The following BAALC variants were observed in gnomAD, a reference collection of about 807,000 sequenced individuals.
BAALC encodes the protein brain and acute leukemia cytoplasmic protein.
In BAALC, 9 loss-of-function variants were observed where a neutral mutation model predicts 15.5. The observed-to-expected ratio is 0.58, with a 90% CI of 0.35 to 1.02. The LOEUF (loss-of-function observed/expected upper bound fraction) is 1.02. Ranked by LOEUF, BAALC falls within the 50% of genes least tolerant of loss-of-function variation. BAALC has a pLI of 0.02. For synonymous variants in BAALC, 80 were observed against 74.6 expected, an observed-to-expected ratio of 1.07 and a Z score of -0.37; for missense variants, 201 against 192.4, an observed-to-expected ratio of 1.04 and a Z score of -0.27.
chr8:103,197,100 A>G (rs748202152), intron 1 of BAALC, among the ~76,000 whole-genome samples: 4 of 152,210 alleles, frequency 2.6e-5, no homozygotes, highest in Non-Finnish European at 4.4e-5. Context: ...AAAGCAACAA[A>G]CAAAAGGCTT....
chr8:103,211,005 T>C (rs1274361231), intron 1 of BAALC, among the ~76,000 whole-genome samples: 1 of 152,160 alleles, frequency 6.6e-6, no homozygotes, highest in Admixed American at 6.5e-5. Flanking sequence ...AAAGTTGATG[T>C]CTGTCTCACT....
At chr8:103,159,172 T>C (rs890499821) in intron 1 of BAALC, among the ~76,000 whole-genome samples, 1 of 152,212 alleles carries the variant, frequency 6.6e-6, no homozygotes, top group Non-Finnish European at 1.5e-5. Context: ...TGAGGTATTC[T>C]TTCCATCGTG....
intron 1 of BAALC, among the ~76,000 whole-genome samples, chr8:103,177,027 C>T (rs1442365676): frequency 6.6e-6 from 1 of 152,090 alleles, no homozygotes; most frequent in African/African-American, 2.4e-5. Flanking sequence ...TATGCTTGTG[C>T]TCATTTTATG....
chr8:103,148,710 A>G (rs945338953), intron 1 of BAALC, among the ~76,000 whole-genome samples: 2 of 152,182 alleles, frequency 1.3e-5, no homozygotes, highest in African/African-American at 2.4e-5. Flanking sequence ...GAACTGGGAA[A>G]CAGCAGGTTT....
chr8:103,178,579 C>T (rs1811653536), intron 1 of BAALC, among the ~76,000 whole-genome samples: 2 of 152,162 alleles, frequency 1.3e-5, no homozygotes, highest in East Asian at 3.9e-4. Flanking sequence ...TTAATTTAGG[C>T]TGGGCACAGT....
At chr8:103,151,400 C>G (rs762943894) in intron 1 of BAALC, among the ~76,000 whole-genome samples, 2 of 152,196 alleles carry the variant, frequency 1.3e-5, no homozygotes, top group Non-Finnish European at 2.9e-5. Flanking sequence ...TCAGTTTCCA[C>G]ATTGTAGGAT....
intron 1 of BAALC, among the ~76,000 whole-genome samples, chr8:103,180,270 A>G (rs748940747): frequency 6.6e-6 from 1 of 152,084 alleles, no homozygotes; most frequent in Non-Finnish European, 1.5e-5. Context: ...TGTTGAGAGC[A>G]TGGTGGTGCC....
chr8:103,212,620 A>T (rs969646575), intron 1 of BAALC, among the ~76,000 whole-genome samples: 2 of 152,196 alleles, frequency 1.3e-5, no homozygotes, highest in Admixed American at 1.3e-4. Context: ...AGCAAAGGGG[A>T]TTAGGTAAAT....
intron 1 of BAALC, among the ~76,000 whole-genome samples, chr8:103,192,134 C>A (rs777548723): frequency 2.0e-5 from 3 of 152,162 alleles, no homozygotes; most frequent in African/African-American, 7.2e-5. Context: ...TCACCACAAC[C>A]TCTGCCTCCC....
intron 1 of BAALC, among the ~76,000 whole-genome samples, chr8:103,212,646 CAT>C (rs1812472973): frequency 6.6e-6 from 1 of 152,050 alleles, no homozygotes; most frequent in African/African-American, 2.4e-5. Flanking sequence ...ATGACATAGA[CAT>C]GTGAAAAATA....
intron 1 of BAALC, among the ~76,000 whole-genome samples, chr8:103,169,768 A>G (rs1563641576): frequency 6.6e-6 from 1 of 152,194 alleles, no homozygotes; most frequent in Admixed American, 6.5e-5. Flanking sequence ...TCCTCTGTCC[A>G]GAAAGTTTCA....
At chr8:103,193,140 G>A (rs983105456) in intron 1 of BAALC, among the ~76,000 whole-genome samples, 41 of 152,314 alleles carry the variant, frequency 2.7e-4, no homozygotes, top group African/African-American at 9.1e-4. Flanking sequence ...TCTAAAGAAG[G>A]TGAGGCATAG....
chr8:103,209,249 G>A (rs1037892040), intron 1 of BAALC, among the ~76,000 whole-genome samples: 8 of 152,156 alleles, frequency 5.3e-5, no homozygotes, highest in Admixed American at 2.6e-4. Flanking sequence ...GCGCATGCCT[G>A]TAGTCCCAGC....
chr8:103,209,927 C>G (rs1020135739), intron 1 of BAALC, among the ~76,000 whole-genome samples: 1 of 152,216 alleles, frequency 6.6e-6, no homozygotes, highest in African/African-American at 2.4e-5. Context: ...CTATTCTAGG[C>G]TCTTCTGTGG....
Position 103,214,498 on chromosome 8 carries a change from G to C in BAALC, c.327+1413G>C, listed in dbSNP as rs954208046. Among the ~76,000 whole-genome samples the C allele has an allele frequency of 2.0e-5, 3 of 152,120 alleles. No individual in the cohort carries two copies. In the East Asian group the frequency reaches 5.8e-4, roughly 29 times the overall value. ...AAAAACTTACTGGTCCTGTCCCCTC[G>C]GGCCAATGCCACCTGTTTTCTGAGA... On this transcript the variant is annotated intron_variant, in intron 2 of 2. Transcript: ENST00000309982.
chr8:103,213,033 G>A lies in BAALC; in HGVS notation c.275G>A (p.Ser92Asn), dbSNP rs746199500. The A allele has an allele frequency of 4.0e-5, 65 of 1,614,024 alleles. No individual in the cohort carries two copies. In the East Asian group the frequency reaches 7.8e-4, roughly 19 times the overall value. Reference sequence around the variant, plus strand: ...GAGACCCAGTGCCCAAATCCCCAGAGCCTCAGCTCAGGCCCTCTGACCCAG... The same window carrying A: ...GAGACCCAGTGCCCAAATCCCCAGAACCTCAGCTCAGGCCCTCTGACCCAG... ...NCETQCPNPQ[S>N]LSSGPLTQKQ... The change falls in exon 2 of 3, where the codon AGC becomes AAC. Residue 92 changes from serine (S) to asparagine (N), a missense_variant. Physicochemically the swap from Ser to Asn is conservative, Grantham distance 46. Transcript: ENST00000309982.
intron 1 of BAALC, among the ~76,000 whole-genome samples, chr8:103,181,042 T>C (rs1309053730): frequency 6.6e-6 from 1 of 151,988 alleles, no homozygotes; most frequent in African/African-American, 2.4e-5. Flanking sequence ...GGTTTCGTGA[T>C]GAGGTTTTGA....
chr8:103,194,047 A>G (rs533345878), intron 1 of BAALC, among the ~76,000 whole-genome samples: 1 of 152,304 alleles, frequency 6.6e-6, no homozygotes, highest in South Asian at 2.1e-4. Flanking sequence ...AAATATCAAA[A>G]AGCAAGTCGT....
At chr8:103,149,642 A>T (rs1563633898) in intron 1 of BAALC, among the ~76,000 whole-genome samples, 1 of 152,204 alleles carries the variant, frequency 6.6e-6, no homozygotes, top group Non-Finnish European at 1.5e-5. Context: ...GAAGCTCAAA[A>T]ACCAAGAAAA....
Sources: gnomAD v4.1 joint callset for allele counts (sites outside exome capture counted in the v4.1 genomes callset) on GRCh38, gnomAD v4.1.1 for gene constraint, MANE v1.5 for transcripts, NCBI Gene and HGNC (gene_info 2026-07-23, HGNC 2026-07-21) for gene names.